RPRD1B: variants seen among roughly 807,000 people sequenced by gnomAD.
RPRD1B encodes regulation of nuclear pre-mRNA domain-containing protein 1B.
In RPRD1B, 11 loss-of-function variants were observed where a neutral mutation model predicts 41.5. The ratio of observed to expected loss-of-function variants is 0.27; its 90% CI spans 0.17 to 0.44. RPRD1B has a LOEUF of 0.44. RPRD1B is among the 20% of genes least tolerant of loss of function. RPRD1B has a pLI of 1.00. For synonymous variants in RPRD1B, 158 were observed against 155.6 expected, an observed-to-expected ratio of 1.02 and a Z score of -0.12; for missense variants, 248 against 389.9, an observed-to-expected ratio of 0.64 and a Z score of 3.06.
rs776927626 is a variant in RPRD1B, at chr20:38,040,597, A to G, written c.281+33A>G. ...GTCTGTTTTTTGGATTTGTTTTTAA[A>G]TTCATTGCCTTTCCCACCTTTTTGT... is the stretch of plus-strand genomic sequence containing the variant. On this transcript the variant is annotated intron_variant, in intron 2 of 6. Transcript: ENST00000373433. The G allele has an allele frequency of 5.7e-6, 9 of 1,581,218 alleles. No homozygotes were observed. In the South Asian group the frequency reaches 9.4e-5, roughly 17 times the overall value.
At chr20:38,070,191 T>C in intron 6 of RPRD1B, 3 of 985,284 alleles carry the variant, frequency 3.0e-6, no homozygotes, top group Non-Finnish European at 3.6e-6. Flanking sequence ...ATAATCATCT[T>C]TTTTTGTTTG....
chr20:38,055,186 TA>T (rs2074226337), intron 3 of RPRD1B, among the ~76,000 whole-genome samples: 1 of 152,188 alleles, frequency 6.6e-6, no homozygotes, highest in Non-Finnish European at 1.5e-5. Flanking sequence ...ACAAAAGAGA[TA>T]ATAAACTAAT....
chr20:38,057,675 A>C, intron 4 of RPRD1B, 31 bp downstream of exon 4: 1 of 1,435,618 alleles, frequency 7.0e-7, no homozygotes, highest in Non-Finnish European at 9.8e-7. Context: ...AGTAGGGAAC[A>C]GTGGCTTAAA....
intron 6 of RPRD1B, among the ~76,000 whole-genome samples, chr20:38,077,306 C>A (rs2074472423): frequency 6.6e-6 from 1 of 152,130 alleles, no homozygotes; most frequent in Non-Finnish European, 1.5e-5. Context: ...CTAGGTCAGA[C>A]CTCTTCCATG....
chr20:38,051,344 G>T (rs1036720915), intron 3 of RPRD1B, among the ~76,000 whole-genome samples: 3 of 152,214 alleles, frequency 2.0e-5, no homozygotes, highest in African/African-American at 7.2e-5. Context: ...AGCCACATGT[G>T]ACTCATGTAG....
At chr20:38,061,451 C>T (rs956457094) in intron 5 of RPRD1B, among the ~76,000 whole-genome samples, 8 of 152,216 alleles carry the variant, frequency 5.3e-5, no homozygotes, top group African/African-American at 1.4e-4. Flanking sequence ...AAACCCGCCT[C>T]TCTGTGTATT....
rs1244093163 is a variant in RPRD1B at position 38,091,526 on chromosome 20, GTTAAA to G, written c.*1656_*1660del. 1.1e-5 allele frequency: 11 copies of G among 985,270 alleles called. No individual in the cohort carries two copies. Among genetic ancestry groups the G allele is most frequent in the African/African-American group, 1.7e-5 (1 of 57,220 alleles). The allele number at this position is 985,270 out of a possible 1,614,324, so 61.0% of individuals were successfully genotyped here. A position where few individuals can be genotyped will look rare whatever the true frequency, so the allele number is the denominator to read the frequency against. On this transcript the variant is annotated 3_prime_UTR_variant, in exon 7 of 7. Transcript: ENST00000373433. ...GGACACTGCCTGTCGTTCTGTCACTGTTAAATTAATGAGTCTATAAGGTTTTTCTT... is the reference window on the plus strand; with the variant it reads ...GGACACTGCCTGTCGTTCTGTCACTGTTAATGAGTCTATAAGGTTTTTCTT...
At chr20:38,048,252 G>C (rs2074139803) in intron 2 of RPRD1B, 96 bp from the exon 3 acceptor site, 1 of 1,256,162 alleles carries the variant, frequency 8.0e-7, no homozygotes, top group Non-Finnish European at 1.1e-6. Context: ...AAATCATTTA[G>C]TCAGTTGTTG....
intron 6 of RPRD1B, among the ~76,000 whole-genome samples, chr20:38,088,699 A>G (rs776544037): frequency 6.6e-6 from 1 of 152,232 alleles, no homozygotes; most frequent in Non-Finnish European, 1.5e-5. Context: ...CCCCATTCCT[A>G]TCATTAGGGG....
intron 6 of RPRD1B, among the ~76,000 whole-genome samples, chr20:38,078,074 A>G (rs2074480810): frequency 6.6e-6 from 1 of 151,732 alleles, no homozygotes. Flanking sequence ...AAGCTGAGGC[A>G]GGAGGATCAC....
In RPRD1B at chr20:38,091,000, TATTA is replaced by T; in HGVS notation, c.*1129_*1132del. 2 of 985,610 alleles carry T rather than the reference TATTA, an allele frequency of 2.0e-6. No homozygotes were observed. Among genetic ancestry groups the T allele is most frequent in the Non-Finnish European group, 2.4e-6 (2 of 829,926 alleles). The allele number at this position is 985,610 out of a possible 1,614,324, so 61.1% of individuals were successfully genotyped here. ...GGCAGGGGAAGCGGGGAGTTGGGGA[TATTA>T]ATTGGGGGTTTTAATTCTATTATCA... On this transcript the variant is annotated 3_prime_UTR_variant, in exon 7 of 7. Transcript: ENST00000373433.
At chr20:38,052,418 G>C (rs916867505) in intron 3 of RPRD1B, among the ~76,000 whole-genome samples, 2 of 152,194 alleles carry the variant, frequency 1.3e-5, no homozygotes, top group Non-Finnish European at 2.9e-5. Flanking sequence ...TCAGTTCAGT[G>C]AGATGATAAG....
intron 1 of RPRD1B, among the ~76,000 whole-genome samples, chr20:38,040,040 G>T (rs2074049679): frequency 6.6e-6 from 1 of 152,130 alleles, no homozygotes; most frequent in East Asian, 1.9e-4. Flanking sequence ...GGCCAACTCA[G>T]TCTTTCATTC....
chr20:38,090,010 A>G lies in RPRD1B; in HGVS notation c.*135A>G. The G allele has an allele frequency of 6.9e-7, 1 of 1,448,542 alleles. No homozygotes were observed. Among genetic ancestry groups the G allele is most frequent in the African/African-American group, 1.4e-5 (1 of 70,356 alleles). 89.7% of individuals were successfully genotyped at this position (1,448,542 alleles called of 1,614,324 possible). ...CCCCAGCCTCAAGAAAGAACCTCAGACTCTGATTCTCCTCTTCAGCCTCTC... is the reference window on the plus strand; with the variant it reads ...CCCCAGCCTCAAGAAAGAACCTCAGGCTCTGATTCTCCTCTTCAGCCTCTC... On this transcript the variant is annotated 3_prime_UTR_variant, in exon 7 of 7. Coordinates refer to ENST00000373433, the MANE Select transcript of RPRD1B (RefSeq NM_021215.4).
chr20:38,089,931 C>A lies in RPRD1B; in HGVS notation c.*56C>A. On this transcript the variant is annotated 3_prime_UTR_variant, in exon 7 of 7. Transcript: ENST00000373433. Reference sequence around the variant, plus strand: ...TACCAGCAGAAAGAAGAGGGCAAGTCATGGTTGGAAATAACCTTCTAGCCC... The same window carrying A: ...TACCAGCAGAAAGAAGAGGGCAAGTAATGGTTGGAAATAACCTTCTAGCCC... 1.3e-6 allele frequency: 2 copies of A among 1,588,574 alleles called. No individual in the cohort carries two copies. The highest frequency in any genetic ancestry group is 2.3e-5 in the South Asian group (2 of 88,312).
intron 6 of RPRD1B, chr20:38,070,626 T>C: frequency 1.0e-6 from 1 of 985,396 alleles, no homozygotes; most frequent in African/African-American, 1.7e-5. Context: ...CATGTTCTGT[T>C]AGCATGATCA....
chr20:38,042,584 A>ATTC (rs10634048), intron 2 of RPRD1B, among the ~76,000 whole-genome samples: 41,791 of 151,886 alleles, frequency 0.28, 7,868 homozygotes, highest in African/African-American at 0.54. Context: ...TTCTGTTTGC[A>ATTC]TTCTGGTTCT....
intron 6 of RPRD1B, among the ~76,000 whole-genome samples, chr20:38,084,992 T>C (rs977502162): frequency 5.3e-5 from 8 of 152,192 alleles, no homozygotes; most frequent in African/African-American, 1.7e-4. Flanking sequence ...CCACGGCTCT[T>C]CTGGGCTAGG....
Position 38,064,194 on chromosome 20 carries a change from C to T in RPRD1B, c.656-1887C>T, listed in dbSNP as rs148395111. Among the ~76,000 whole-genome samples the T allele has an allele frequency of 3.3e-5, 5 of 152,224 alleles. No individual in the cohort carries two copies. In the East Asian group the frequency reaches 7.7e-4, roughly 24 times the overall value. ...GATCTCTTTCCTTTGTGTTCCATTCCGCTCACTTCTTCCCCTTCACCAAGG... is the reference window on the plus strand; with the variant it reads ...GATCTCTTTCCTTTGTGTTCCATTCTGCTCACTTCTTCCCCTTCACCAAGG... On this transcript the variant is annotated intron_variant, in intron 5 of 6. Coordinates refer to ENST00000373433, the MANE Select transcript of RPRD1B (RefSeq NM_021215.4).
Sources: gnomAD v4.1 joint callset for allele counts (sites outside exome capture counted in the v4.1 genomes callset) on GRCh38, gnomAD v4.1.1 for gene constraint, MANE v1.5 for transcripts, NCBI Gene and HGNC (gene_info 2026-07-23, HGNC 2026-07-21) for gene names.